Variants in LCMT1 observed in about 807,000 individuals in gnomAD.
LCMT1 encodes leucine carboxyl methyltransferase 1.
A neutral mutation model predicts 47.7 loss-of-function variants in LCMT1; 32 were observed. The observed-to-expected ratio is 0.67, with a 90% CI of 0.51 to 0.90. The LOEUF (loss-of-function observed/expected upper bound fraction) is 0.90. Among genes scored for constraint, LCMT1 ranks in the 40% least tolerant of loss-of-function variants. The pLI, the probability that LCMT1 is intolerant of heterozygous loss-of-function variation, is 0.00. For synonymous variants in LCMT1, 152 were observed against 149.7 expected (o/e 1.02, Z -0.11); for missense variants, 375 against 415.2 (o/e 0.90, Z 0.84).
chr16:25,171,194 C>T (rs532302853), intron 9 of LCMT1, among the ~76,000 whole-genome samples: 42 of 151,868 alleles, frequency 2.8e-4, no homozygotes, highest in African/African-American at 3.6e-4. Flanking sequence ...GAGCTGAGAT[C>T]GTGCCGCTTC....
At chr16:25,155,991 T>C (rs1184284388) in intron 5 of LCMT1, among the ~76,000 whole-genome samples, 1 of 152,252 alleles carries the variant, frequency 6.6e-6, no homozygotes, top group African/African-American at 2.4e-5. Context: ...TGATTTTCCC[T>C]TTGACCACAG....
At chr16:25,135,107 C>G (rs1960464280) in intron 3 of LCMT1, among the ~76,000 whole-genome samples, 1 of 152,028 alleles carries the variant, frequency 6.6e-6, no homozygotes, top group Non-Finnish European at 1.5e-5. Context: ...ATCTGAGCCT[C>G]TTATTTATGA....
intron 3 of LCMT1, among the ~76,000 whole-genome samples, chr16:25,137,815 G>A (rs1455044301): frequency 6.6e-6 from 1 of 152,142 alleles, no homozygotes; most frequent in Admixed American, 6.5e-5. Flanking sequence ...TGGTCTTTAT[G>A]TGGGAGGGTG....
intron 2 of LCMT1, among the ~76,000 whole-genome samples, chr16:25,129,543 T>C (rs1960290277): frequency 6.6e-6 from 1 of 152,098 alleles, no homozygotes; most frequent in Admixed American, 6.6e-5. Flanking sequence ...CAGGAATCAC[T>C]TTTTTTTCCC....
intron 2 of LCMT1, among the ~76,000 whole-genome samples, chr16:25,130,981 G>A (rs1960335333): frequency 6.6e-6 from 1 of 152,248 alleles, no homozygotes; most frequent in Admixed American, 6.5e-5. Context: ...AGAGGGAAGA[G>A]ATGGAGAATT....
intron 3 of LCMT1, 71 bp downstream of exon 3, chr16:25,132,594 A>G (rs548138048): frequency 2.9e-5 from 44 of 1,513,458 alleles, no homozygotes; most frequent in Non-Finnish European, 4.0e-5. Context: ...CCTAATTCGA[A>G]ATGTAAACAT....
At chr16:25,159,722 C>T (rs1961363201) in intron 5 of LCMT1, among the ~76,000 whole-genome samples, 1 of 151,968 alleles carries the variant, frequency 6.6e-6, no homozygotes, top group South Asian at 2.1e-4. Flanking sequence ...TTGAATCAGC[C>T]AAGTGGAGTT....
intron 4 of LCMT1, chr16:25,147,771 A>C (rs1254519457): frequency 6.6e-6 from 1 of 152,028 alleles, no homozygotes; most frequent in Admixed American, 6.6e-5. Flanking sequence ...AACTCACTGC[A>C]GCCTCAACCT....
intron 4 of LCMT1, chr16:25,143,890 A>C (rs1357536388): frequency 6.6e-6 from 1 of 152,240 alleles, no homozygotes; most frequent in Non-Finnish European, 1.5e-5. Flanking sequence ...ACTTGTCACC[A>C]TCTGTGAACC....
Position 25,132,411 on chromosome 16 carries a change from C to T in LCMT1, c.215C>T (p.Ala72Val), listed in dbSNP as rs774101026. ...CTCCCCTCCCCCCTAGGATATTTTG[C>T]TCGAGTCCATGGTGTCAGTCAGCTT... ...KAPEINRGYF[A>V]RVHGVSQLIK... The change falls in exon 3 of 11, where the codon GCT (alanine) becomes GTT (valine). Residue 72 changes from alanine (A) to valine (V), a missense_variant. Coordinates refer to ENST00000399069, the MANE Select transcript of LCMT1 (RefSeq NM_016309.3). The T allele has an allele frequency of 9.9e-6, 16 of 1,613,592 alleles. No individual in the cohort carries two copies. Among genetic ancestry groups the T allele is most frequent in the Non-Finnish European group, 1.4e-5 (16 of 1,179,778 alleles).
Position 25,161,145 on chromosome 16 carries a change from A to T in LCMT1, c.510A>T (p.Ala170=). 6.2e-7 allele frequency: 1 copy of T among 1,611,324 alleles called. No homozygotes were observed. The highest frequency in any genetic ancestry group is 8.5e-7 in the Non-Finnish European group (1 of 1,178,802). ...LDSKRYAVIG[A]DLRDLSELEE... is the part of the protein sequence containing the mutation. ...CAAAGAGATATGCCGTTATTGGAGC[A>T]GATCTCCGAGACCTGTCTGAACTGG... Residue 170 remains alanine, a synonymous_variant, in exon 6 of 11, where the codon GCA becomes GCT. Transcript: ENST00000399069.
chr16:25,173,474 G>A (rs183390090), intron 9 of LCMT1, among the ~76,000 whole-genome samples: 57 of 152,284 alleles, frequency 3.7e-4, no homozygotes, highest in Non-Finnish European at 6.3e-4. Flanking sequence ...ATACCAAGAC[G>A]GGAATGAACT....
rs79907151 is a variant in LCMT1 at position 25,148,455 on chromosome 16, G to A, written c.405-3099G>A. The stretch of plus-strand genomic sequence containing the variant: ...TTCCCAACAGGTGTGGCAAAGGGAG[G>A]GAAAGCACTGAAAGACTTGAAGATT... On this transcript the variant is annotated intron_variant, in intron 4 of 10. Transcript: ENST00000399069. Among the ~76,000 whole-genome samples the A allele has an allele frequency of 6.1e-3, 930 of 152,242 alleles. 15 individuals are homozygous for A. Among genetic ancestry groups the A allele is most frequent in the African/African-American group, 0.022 (893 of 41,534 alleles).
chr16:25,144,691 A>C (rs1960796230), intron 4 of LCMT1: 1 of 152,122 alleles, frequency 6.6e-6, no homozygotes, highest in Non-Finnish European at 1.5e-5. Context: ...GGGGAGTCAT[A>C]GCTTCTGTAT....
rs1465532517 is a variant in LCMT1 at position 25,164,642 on chromosome 16, C to T, written c.614C>T (p.Thr205Ile). 2 of 1,613,910 alleles carry T rather than the reference C, an allele frequency of 1.2e-6. No homozygotes were observed. The highest frequency in any genetic ancestry group is 8.5e-7 in the Non-Finnish European group (1 of 1,179,852). The change falls in exon 7 of 11, where the codon ACT becomes ATT. Residue 205 changes from threonine to isoleucine, a missense_variant. Thr to Ile is a moderately conservative substitution (Grantham distance 89). Coordinates refer to ENST00000399069, the MANE Select transcript of LCMT1 (RefSeq NM_016309.3). ...GCTGAATGTGTGCTGGTTTACATGA[C>T]TCCAGAGCAGTCCGCAAACCTCCTG... ...LIAECVLVYM[T>I]PEQSANLLKW...
intron 8 of LCMT1, among the ~76,000 whole-genome samples, chr16:25,169,708 A>C (rs1428471345): frequency 6.6e-6 from 1 of 152,192 alleles, no homozygotes; most frequent in African/African-American, 2.4e-5. Flanking sequence ...ACTCCTTCAT[A>C]GCATTTAATG....
chr16:25,164,640 G>A lies in LCMT1; in HGVS notation c.612G>A (p.Met204Ile). 1.2e-6 allele frequency: 2 copies of A among 1,613,844 alleles called. No homozygotes were observed. ...LLIAECVLVYMTPEQSANLLK... is the reference protein window; with the variant it reads ...LLIAECVLVYITPEQSANLLK... ...TAGCTGAATGTGTGCTGGTTTACAT[G>A]ACTCCAGAGCAGTCCGCAAACCTCC... Residue 204 changes from methionine to isoleucine, a missense_variant, in exon 7 of 11, where the codon ATG (methionine) becomes ATA (isoleucine). Physicochemically the swap from Met to Ile is conservative, Grantham distance 10. Transcript: ENST00000399069.
At chr16:25,131,740 T>A (rs1597570485) in intron 2 of LCMT1, among the ~76,000 whole-genome samples, 1 of 152,320 alleles carries the variant, frequency 6.6e-6, no homozygotes, top group Non-Finnish European at 1.5e-5. Flanking sequence ...AGTGGCGCAA[T>A]CTTGGGCCAC....
intron 5 of LCMT1, among the ~76,000 whole-genome samples, chr16:25,157,245 C>T (rs2141691700): frequency 6.6e-6 from 1 of 152,126 alleles, no homozygotes; most frequent in African/African-American, 2.4e-5. Flanking sequence ...GACCTAATCA[C>T]CTCTTAAAAG....
Sources: allele counts gnomAD v4.1 joint callset (sites outside exome capture counted in the v4.1 genomes callset), GRCh38; gene constraint gnomAD v4.1.1; transcripts MANE v1.5; gene names NCBI Gene and HGNC (gene_info 2026-07-23, HGNC 2026-07-21).